The following RORA variants were observed in gnomAD, a reference collection of about 807,000 sequenced individuals.
RORA encodes RAR related orphan receptor A, also known as nuclear receptor ROR-alpha.
In RORA, 7 loss-of-function variants were observed where a neutral mutation model predicts 69.5. The observed-to-expected ratio is 0.10, with a 90% CI of 0.06 to 0.19. RORA has a LOEUF of 0.19. Ranked by LOEUF, RORA falls within the 10% of genes least tolerant of loss-of-function variation. The pLI is 1.00. For missense variants in RORA, 457 were observed against 663.0 expected, an observed-to-expected ratio of 0.69 and a Z score of 3.41; for synonymous variants, 261 against 240.8, an observed-to-expected ratio of 1.08 and a Z score of -0.78.
chr15:61,162,265 A>T (rs1567017779), intron 1 of RORA, among the ~76,000 whole-genome samples: 1 of 152,218 alleles, frequency 6.6e-6, no homozygotes, highest in African/African-American at 2.4e-5. Flanking sequence ...CACTATTCCC[A>T]CAGAAAGATG....
intron 1 of RORA, among the ~76,000 whole-genome samples, chr15:61,112,558 G>A (rs2079016165): frequency 6.6e-6 from 1 of 152,170 alleles, no homozygotes; most frequent in Non-Finnish European, 1.5e-5. Flanking sequence ...GAAGTAAAGG[G>A]TTTATGCAGG....
chr15:60,914,583 A>C (rs1891815787), intron 1 of RORA, among the ~76,000 whole-genome samples: 1 of 152,228 alleles, frequency 6.6e-6, no homozygotes, highest in Non-Finnish European at 1.5e-5. Flanking sequence ...TTGTGATGCA[A>C]ATGAATATTT....
chr15:60,667,862 C>T (rs1567148063), intron 2 of RORA, among the ~76,000 whole-genome samples: 1 of 151,836 alleles, frequency 6.6e-6, no homozygotes, highest in Non-Finnish European at 1.5e-5. Context: ...GGCTCAAGTG[C>T]TCTACCTGCC....
At chr15:60,951,058 A>T (rs948427886) in intron 1 of RORA, among the ~76,000 whole-genome samples, 5 of 151,160 alleles carry the variant, frequency 3.3e-5, no homozygotes, top group African/African-American at 1.2e-4. Context: ...TCCTCAGCAA[A>T]TGTAAAAGAA....
intron 1 of RORA, among the ~76,000 whole-genome samples, chr15:60,970,824 A>G (rs186449246): frequency 3.9e-5 from 6 of 152,222 alleles, no homozygotes; most frequent in African/African-American, 1.4e-4. Context: ...GGTCTCAGGT[A>G]TAAGAAAATC....
At chr15:60,831,244 T>A (rs1289460147) in intron 1 of RORA, among the ~76,000 whole-genome samples, 1 of 152,198 alleles carries the variant, frequency 6.6e-6, no homozygotes, top group African/African-American at 2.4e-5. Flanking sequence ...TGACAGGGTC[T>A]ATTGAAACTT....
intron 2 of RORA, among the ~76,000 whole-genome samples, chr15:60,621,890 A>C (rs964137528): frequency 6.6e-6 from 1 of 152,046 alleles, no homozygotes; most frequent in African/African-American, 2.4e-5. Context: ...TCTACTAAAA[A>C]TACAAAAATT....
intron 1 of RORA, among the ~76,000 whole-genome samples, chr15:60,796,912 A>C (rs1315246267): frequency 6.6e-6 from 1 of 151,806 alleles, no homozygotes; most frequent in Non-Finnish European, 1.5e-5. Context: ...TGAAAATATT[A>C]TGCTCAGTGA....
chr15:61,000,811 G>T (rs1162792680), intron 1 of RORA, among the ~76,000 whole-genome samples: 1 of 152,178 alleles, frequency 6.6e-6, no homozygotes, highest in Non-Finnish European at 1.5e-5. Flanking sequence ...AAAGCGGGAA[G>T]TGATCAGCCA....
chr15:61,188,330 G>T (rs1222635894), intron 1 of RORA, among the ~76,000 whole-genome samples: 1 of 152,200 alleles, frequency 6.6e-6, no homozygotes, highest in Non-Finnish European at 1.5e-5. Flanking sequence ...AGGTGTGGCT[G>T]TGTTCGAATA....
chr15:61,100,102 G>A (rs953472854), intron 1 of RORA, among the ~76,000 whole-genome samples: 6 of 150,350 alleles, frequency 4.0e-5, no homozygotes, highest in Non-Finnish European at 8.9e-5. Context: ...GGGAATGAAT[G>A]GTCAATTTTC....
chr15:60,891,595 G>A (rs1567227588), intron 1 of RORA, among the ~76,000 whole-genome samples: 1 of 152,182 alleles, frequency 6.6e-6, no homozygotes, highest in Non-Finnish European at 1.5e-5. Context: ...TAGGTGGCAA[G>A]GCAGGAGCAT....
intron 1 of RORA, among the ~76,000 whole-genome samples, chr15:60,827,411 C>A (rs2072980240): frequency 6.6e-6 from 1 of 152,158 alleles, no homozygotes; most frequent in African/African-American, 2.4e-5. Context: ...AAAATGAACT[C>A]ATTTGTTTAT....
intron 1 of RORA, among the ~76,000 whole-genome samples, chr15:61,022,529 A>T (rs990756516): frequency 4.6e-5 from 7 of 152,142 alleles, no homozygotes; most frequent in African/African-American, 1.7e-4. Flanking sequence ...AGTATTTTCA[A>T]TGGTGCACAC....
chr15:60,583,931 A>G (rs919045371), intron 2 of RORA, among the ~76,000 whole-genome samples: 1 of 152,208 alleles, frequency 6.6e-6, no homozygotes, highest in African/African-American at 2.4e-5. Context: ...GATCTTTTAC[A>G]AAAGAAGATT....
chr15:61,051,697 C>T (rs905710639), intron 1 of RORA, among the ~76,000 whole-genome samples: 1 of 152,124 alleles, frequency 6.6e-6, no homozygotes, highest in African/African-American at 2.4e-5. Context: ...GGAGAGGCTT[C>T]GGAAAGGACT....
intron 1 of RORA, among the ~76,000 whole-genome samples, chr15:60,735,107 G>A (rs866088649): frequency 1.3e-5 from 2 of 152,320 alleles, no homozygotes; most frequent in Middle Eastern, 3.4e-3. Flanking sequence ...CTTCAGAGGA[G>A]AGAAAGAAGC....
intron 1 of RORA, among the ~76,000 whole-genome samples, chr15:60,904,428 G>A (rs971693075): frequency 1.3e-5 from 2 of 152,192 alleles, no homozygotes; most frequent in African/African-American, 2.4e-5. Flanking sequence ...AGAGGAGACT[G>A]CAGGCAGAAG....
intron 1 of RORA, among the ~76,000 whole-genome samples, chr15:60,868,655 C>T (rs2073517511): frequency 6.6e-6 from 1 of 152,006 alleles, no homozygotes; most frequent in Admixed American, 6.6e-5. Flanking sequence ...GTGCGTGGTA[C>T]TTCGGTTTCA....
Sources: gnomAD v4.1 joint callset for allele counts (sites outside exome capture counted in the v4.1 genomes callset) on GRCh38, gnomAD v4.1.1 for gene constraint, MANE v1.5 for transcripts, NCBI Gene and HGNC (gene_info 2026-07-23, HGNC 2026-07-21) for gene names.